DNAJC17: variants seen among roughly 807,000 people sequenced by gnomAD.
DNAJC17 encodes DnaJ heat shock protein family (Hsp40) member C17, also known as dnaJ homolog subfamily C member 17.
A neutral mutation model predicts 48.1 loss-of-function variants in DNAJC17; 35 were observed. That is an observed-to-expected ratio of 0.73 (90% CI 0.56 to 0.96). The LOEUF (loss-of-function observed/expected upper bound fraction) is 0.96. Ranked by LOEUF, DNAJC17 falls within the 50% of genes least tolerant of loss-of-function variation. The probability of loss-of-function intolerance (pLI) is 0.00; values close to 1 mark genes in which losing one functional copy is unlikely to be tolerated. For synonymous variants in DNAJC17, 117 were observed against 142.7 expected (o/e 0.82, Z 1.28); for missense variants, 355 against 377.1 (o/e 0.94, Z 0.48).
intron 4 of DNAJC17, among the ~76,000 whole-genome samples, chr15:40,777,892 C>T (rs77497782): frequency 6.6e-6 from 1 of 151,930 alleles, no homozygotes; most frequent in Non-Finnish European, 1.5e-5. Context: ...TTGAAGTGTA[C>T]ACTTGAAATG....
chr15:40,771,322 C>CG, intron 10 of DNAJC17: 1 of 428,436 alleles, frequency 2.3e-6, no homozygotes, highest in Middle Eastern at 7.2e-4. Context: ...GAGGCTGTGC[C>CG]GGGAAAGGGA....
intron 4 of DNAJC17, among the ~76,000 whole-genome samples, chr15:40,778,761 TC>T (rs1400167657): frequency 1.3e-5 from 2 of 151,994 alleles, no homozygotes; most frequent in African/African-American, 2.4e-5. Flanking sequence ...ATGGTGAAAC[TC>T]CATCTCTAAA....
At chr15:40,773,694 G>T in intron 10 of DNAJC17, 33 bp downstream of exon 10, 1 of 1,567,020 alleles carries the variant, frequency 6.4e-7, no homozygotes, top group Non-Finnish European at 8.7e-7. Context: ...TCCGAGACCT[G>T]AGCGCCCAGC....
chr15:40,792,810 A>G (rs987686759), intron 1 of DNAJC17, among the ~76,000 whole-genome samples: 2 of 151,610 alleles, frequency 1.3e-5, no homozygotes, highest in African/African-American at 4.8e-5. Context: ...CACTCGCTGG[A>G]TGGTCGTGGA....
At chr15:40,768,933 G>C (rs1889039746) in intron 10 of DNAJC17, among the ~76,000 whole-genome samples, 1 of 152,270 alleles carries the variant, frequency 6.6e-6, no homozygotes, top group Non-Finnish European at 1.5e-5. Flanking sequence ...GCCCGTAGCA[G>C]AGAGCTGTGG....
intron 6 of DNAJC17, 122 bp downstream of exon 6, chr15:40,776,074 G>T (rs965477200): frequency 1.3e-5 from 11 of 850,916 alleles, no homozygotes; most frequent in Non-Finnish European, 2.1e-5. Flanking sequence ...GTACCATAGG[G>T]TGACCCCAGG....
Position 40,776,121 on chromosome 15 carries a change from G to A in DNAJC17, c.478+75C>T. ...TAGAAGCCTCCACAGCAGCTCCACCGAACAGCCAGTGTGGCCGCTCTGAGC... is the reference window on the plus strand; with the variant it reads ...TAGAAGCCTCCACAGCAGCTCCACCAAACAGCCAGTGTGGCCGCTCTGAGC... On this transcript the variant is annotated intron_variant, in intron 6 of 10. Coordinates refer to ENST00000220496, the MANE Select transcript of DNAJC17 (RefSeq NM_018163.3). 14 of 1,442,382 alleles carry A rather than the reference G, an allele frequency of 9.7e-6. 1 individual carries two copies. The highest frequency in any genetic ancestry group is 2.4e-5 in the East Asian group (1 of 42,476). 89.3% of individuals were successfully genotyped at this position (1,442,382 alleles called of 1,614,324 possible). A position where few individuals can be genotyped will look rare whatever the true frequency, so the allele number is the denominator to read the frequency against.
chr15:40,787,441 A>C (rs750761408), intron 1 of DNAJC17, among the ~76,000 whole-genome samples: 1 of 152,120 alleles, frequency 6.6e-6, no homozygotes, highest in Non-Finnish European at 1.5e-5. Flanking sequence ...TGCCATCCAG[A>C]CCCTAGGAGA....
intron 1 of DNAJC17, among the ~76,000 whole-genome samples, chr15:40,786,188 A>G (rs184675935): frequency 1.3e-5 from 2 of 152,382 alleles, no homozygotes; most frequent in African/African-American, 4.8e-5. Flanking sequence ...ACAGCTCAAA[A>G]GGCTAGATTC....
In DNAJC17 at chr15:40,771,022, A is replaced by C. The variant is rs1889123855; in HGVS notation, c.792+2705T>G. ...CAGTTTCCTAGCGAGCCCAGCTTCT[A>C]AATGGGGTGAGGGTGGGCAAAGCCG... On this transcript the variant is annotated intron_variant, in intron 10 of 10. Coordinates refer to ENST00000220496, the MANE Select transcript of DNAJC17 (RefSeq NM_018163.3). 6 of 1,550,370 alleles carry C rather than the reference A, an allele frequency of 3.9e-6. 1 individual carries two copies. In the African/African-American group the frequency reaches 8.2e-5, roughly 21 times the overall value.
Position 40,767,406 on chromosome 15 carries a change from T to G in DNAJC17, c.*534A>C. ...CCTGTGGAGGGGCTGCTGTGGGCCCTGACCTCCAAGCTCCTGCCTCACCGT... is the reference window on the plus strand; with the variant it reads ...CCTGTGGAGGGGCTGCTGTGGGCCCGGACCTCCAAGCTCCTGCCTCACCGT... On this transcript the variant is annotated 3_prime_UTR_variant, in exon 11 of 11. Transcript: ENST00000220496. 2.0e-6 allele frequency: 3 copies of G among 1,521,252 alleles called. No homozygotes were observed. The highest frequency in any genetic ancestry group is 2.6e-6 in the Non-Finnish European group (3 of 1,132,494). 94.2% of individuals were successfully genotyped at this position (1,521,252 alleles called of 1,614,324 possible). A position where few individuals can be genotyped will look rare whatever the true frequency, so the allele number is the denominator to read the frequency against.
intron 4 of DNAJC17, among the ~76,000 whole-genome samples, chr15:40,777,282 T>TC (rs1491558359): frequency 8.5e-5 from 10 of 117,756 alleles, no homozygotes; most frequent in East Asian, 4.3e-4. Context: ...TCTCTCTCTC[T>TC]TTTTTTTTTT....
chr15:40,767,113 C>A lies in DNAJC17; in HGVS notation c.*827G>T. 1 of 1,150,786 alleles carries A rather than the reference C, an allele frequency of 8.7e-7. No homozygotes were observed. The highest frequency in any genetic ancestry group is 1.2e-6 in the Non-Finnish European group (1 of 856,374). 71.3% of individuals were successfully genotyped at this position (1,150,786 alleles called of 1,614,324 possible). A position where few individuals can be genotyped will look rare whatever the true frequency, so the allele number is the denominator to read the frequency against. ...CTTACCCCAGCGCCCAGCAAGCAGC[C>A]AGCAAGTGTGAGTCACTACAAGAGT... On this transcript the variant is annotated 3_prime_UTR_variant, in exon 11 of 11. Coordinates refer to ENST00000220496, the MANE Select transcript of DNAJC17 (RefSeq NM_018163.3).
Position 40,767,460 on chromosome 15 carries a change from C to A in DNAJC17, c.*480G>T. The A allele has an allele frequency of 8.0e-7, 1 of 1,254,990 alleles. No individual in the cohort carries two copies. Among genetic ancestry groups the A allele is most frequent in the South Asian group, 1.5e-5 (1 of 64,542 alleles). The allele number at this position is 1,254,990 out of a possible 1,614,324, so 77.7% of individuals were successfully genotyped here. On this transcript the variant is annotated 3_prime_UTR_variant, in exon 11 of 11. Coordinates refer to ENST00000220496, the MANE Select transcript of DNAJC17 (RefSeq NM_018163.3). The stretch of plus-strand genomic sequence containing the variant: ...CCTTGCTCCTCTCTTCCCAAATCAT[C>A]ACCGCCATGGGCCCAGCCCCAAAGG...
At chr15:40,802,780 A>G (rs1478362789) in intron 1 of DNAJC17, among the ~76,000 whole-genome samples, 1 of 152,134 alleles carries the variant, frequency 6.6e-6, no homozygotes, top group Non-Finnish European at 1.5e-5. Flanking sequence ...CTTGGCCTCC[A>G]TTAGGGCTTC....
intron 2 of DNAJC17, 89 bp downstream of exon 2, chr15:40,779,839 C>T: frequency 7.0e-7 from 1 of 1,433,596 alleles, no homozygotes; most frequent in Non-Finnish European, 9.7e-7. Flanking sequence ...GCTTACACCC[C>T]ACAGCACTCA....
At chr15:40,784,464 C>A (rs1889589634) in intron 1 of DNAJC17, among the ~76,000 whole-genome samples, 1 of 152,116 alleles carries the variant, frequency 6.6e-6, no homozygotes, top group South Asian at 2.1e-4. Context: ...ATATGCTTTA[C>A]ATATATTAAC....
At position 40,769,941 on chromosome 15, in the gene DNAJC17, G is replaced by A. The variant is rs1266305817; in HGVS notation, c.793-1879C>T. ...GAAACCTGGCTTCCCACCTGACTGAGTCAGCTGAGAACAAAAACACATCTC... is the reference window on the plus strand; with the variant it reads ...GAAACCTGGCTTCCCACCTGACTGAATCAGCTGAGAACAAAAACACATCTC... On this transcript the variant is annotated intron_variant, in intron 10 of 10. Transcript: ENST00000220496. The surrounding 1 kb of genome is among the most constrained non-coding windows in gnomAD (Gnocchi z 4.2). 1 of 154,250 alleles carries A rather than the reference G, an allele frequency of 6.5e-6. No homozygotes were observed. The highest frequency in any genetic ancestry group is 2.4e-5 in the African/African-American group (1 of 41,438). 9.6% of individuals were successfully genotyped at this position (154,250 alleles called of 1,614,324 possible).
In DNAJC17 at chr15:40,771,776, C is replaced by T. The variant is rs530619955; in HGVS notation, c.792+1951G>A. On this transcript the variant is annotated intron_variant, in intron 10 of 10. Coordinates refer to ENST00000220496, the MANE Select transcript of DNAJC17 (RefSeq NM_018163.3). ...GTTCTAATGGACAGCGCTGTCTAGA[C>T]CATGGCCTGGAGCCACCAGCAAAGG... 2.4e-5 allele frequency: 4 copies of T among 167,330 alleles called. No individual in the cohort carries two copies. The East Asian group carries it at 7.7e-4, about 32-fold the overall frequency. 10.4% of individuals were successfully genotyped at this position (167,330 alleles called of 1,614,324 possible). A position where few individuals can be genotyped will look rare whatever the true frequency, so the allele number is the denominator to read the frequency against.
Sources: allele counts gnomAD v4.1 joint callset (sites outside exome capture counted in the v4.1 genomes callset), GRCh38; gene constraint gnomAD v4.1.1; non-coding constraint Gnocchi (gnomAD v3.1); transcripts MANE v1.5; gene names NCBI Gene and HGNC (gene_info 2026-07-23, HGNC 2026-07-21).